The following GALNTL6 variants were observed in gnomAD, a reference collection of about 807,000 sequenced individuals.
GALNTL6 encodes the protein polypeptide N-acetylgalactosaminyltransferase-like 6.
In GALNTL6, 46 loss-of-function variants were observed where a neutral mutation model predicts 73.7. The observed-to-expected ratio is 0.62, with a 90% confidence interval of 0.49 to 0.80. The LOEUF is 0.80. Among genes scored for constraint, GALNTL6 ranks in the 30% least tolerant of loss-of-function variants. The pLI, the probability that GALNTL6 is intolerant of heterozygous loss-of-function variation, is 0.00. For synonymous variants in GALNTL6, 259 were observed against 263.7 expected, an observed-to-expected ratio of 0.98 and a Z score of 0.17; for missense variants, 604 against 755.0, an observed-to-expected ratio of 0.80 and a Z score of 2.34.
chr4:172,560,285 G>T (rs1417160789), intron 5 of GALNTL6, among the ~76,000 whole-genome samples: 3 of 151,604 alleles, frequency 2.0e-5, no homozygotes, highest in Non-Finnish European at 2.9e-5. Flanking sequence ...AACCAGCCTG[G>T]TCACCATAGG....
chr4:172,514,167 C>G (rs1734522576), intron 5 of GALNTL6, among the ~76,000 whole-genome samples: 1 of 152,216 alleles, frequency 6.6e-6, no homozygotes, highest in Admixed American at 6.5e-5. Context: ...ACAGAGCTCC[C>G]AAGAGATTAT....
At chr4:171,815,632 G>T (rs1734506472) in intron 2 of GALNTL6, 1 of 152,174 alleles carries the variant, frequency 6.6e-6, no homozygotes, top group Admixed American at 6.5e-5. Flanking sequence ...TTTTCAGTTA[G>T]TCCTGTGCAT....
intron 2 of GALNTL6, among the ~76,000 whole-genome samples, chr4:172,073,882 T>G (rs1266217171): frequency 2.0e-5 from 3 of 152,192 alleles, no homozygotes; most frequent in African/African-American, 7.2e-5. Flanking sequence ...AGCAATTGAC[T>G]GCAAAATCAA....
intron 2 of GALNTL6, among the ~76,000 whole-genome samples, chr4:172,193,401 A>G (rs1304094020): frequency 6.6e-6 from 1 of 152,158 alleles, no homozygotes; most frequent in Non-Finnish European, 1.5e-5. Context: ...TGGGGTCTGG[A>G]GTGGAACCCC....
intron 2 of GALNTL6, among the ~76,000 whole-genome samples, chr4:172,193,956 A>G (rs1735667256): frequency 6.6e-6 from 1 of 152,212 alleles, no homozygotes; most frequent in African/African-American, 2.4e-5. Context: ...ATACCTGTCC[A>G]CCAAGGGCAC....
intron 2 of GALNTL6, among the ~76,000 whole-genome samples, chr4:171,969,787 T>G (rs924022160): frequency 2.5e-4 from 38 of 149,034 alleles, no homozygotes; most frequent in Middle Eastern, 3.2e-3. Context: ...TTTTTTTCCT[T>G]GAGATGGAGT....
rs562588097 is a variant in GALNTL6 at position 172,458,155 on chromosome 4, G to T, written c.553+109466G>T. 1.3e-4 allele frequency among the ~76,000 whole-genome samples: 19 copies of T among 151,828 alleles called. No individual in the cohort carries two copies. The South Asian group carries it at 3.7e-3, about 30-fold the overall frequency. Reference sequence around the variant, plus strand: ...TAACGAAATTAAGGCAGAAATAAAGGTTTTCTTTGAAACCAATGAGAACAA... The same window carrying T: ...TAACGAAATTAAGGCAGAAATAAAGTTTTTCTTTGAAACCAATGAGAACAA... On this transcript the variant is annotated intron_variant, in intron 5 of 12. Coordinates refer to ENST00000506823, the MANE Select transcript of GALNTL6 (RefSeq NM_001034845.3).
At chr4:172,081,244 A>C (rs547741189) in intron 2 of GALNTL6, among the ~76,000 whole-genome samples, 249 of 152,366 alleles carry the variant, frequency 1.6e-3, no homozygotes, top group African/African-American at 5.8e-3. Context: ...GAAACTGAGA[A>C]ACAGGAAGCT....
intron 2 of GALNTL6, among the ~76,000 whole-genome samples, chr4:171,932,696 A>G (rs1738223896): frequency 6.6e-6 from 1 of 152,226 alleles, no homozygotes; most frequent in African/African-American, 2.4e-5. Flanking sequence ...GACACAAAAT[A>G]AATCAATGGG....
At chr4:172,156,529 CAT>C (rs1316277141) in intron 2 of GALNTL6, among the ~76,000 whole-genome samples, 2 of 71,616 alleles carry the variant, frequency 2.8e-5, no homozygotes, top group South Asian at 4.2e-4. Flanking sequence ...TTTAAATATA[CAT>C]ATATATATAA....
At chr4:172,082,566 C>A (rs1017944288) in intron 2 of GALNTL6, among the ~76,000 whole-genome samples, 1 of 151,958 alleles carries the variant, frequency 6.6e-6, no homozygotes, top group Admixed American at 6.6e-5. Context: ...AGGAGAAAGA[C>A]AATGAACATT....
At chr4:172,766,366 C>T (rs368667100) in intron 5 of GALNTL6, among the ~76,000 whole-genome samples, 36 of 152,168 alleles carry the variant, frequency 2.4e-4, no homozygotes, top group Middle Eastern at 3.4e-3. Context: ...TTATGCATTC[C>T]GAGTCTATGT....
At chr4:171,940,191 GA>G (rs5864098) in intron 2 of GALNTL6, among the ~76,000 whole-genome samples, 68,625 of 151,592 alleles carry the variant, frequency 0.45, 17,273 homozygotes, top group Admixed American at 0.59. Flanking sequence ...TATTAACTGT[GA>G]AAAAAACTGG....
intron 5 of GALNTL6, among the ~76,000 whole-genome samples, chr4:172,523,405 T>C: frequency 6.6e-6 from 1 of 152,066 alleles, no homozygotes. Flanking sequence ...CACTCTGTCA[T>C]CTAGGCTGGA....
intron 2 of GALNTL6, among the ~76,000 whole-genome samples, chr4:171,902,413 A>C (rs947192321): frequency 6.6e-6 from 1 of 152,216 alleles, no homozygotes; most frequent in African/African-American, 2.4e-5. Context: ...GATTCATTTC[A>C]TGAATGAGAC....
At chr4:172,454,393 A>T (rs1561090413) in intron 5 of GALNTL6, among the ~76,000 whole-genome samples, 1 of 152,198 alleles carries the variant, frequency 6.6e-6, no homozygotes, top group East Asian at 1.9e-4. Context: ...AGCTTCTAGG[A>T]CCATTATGTC....
intron 5 of GALNTL6, among the ~76,000 whole-genome samples, chr4:172,519,805 G>A (rs944379849): frequency 4.0e-5 from 6 of 151,464 alleles, no homozygotes; most frequent in African/African-American, 1.2e-4. Context: ...ATATGGTTCA[G>A]TTCTTGATGA....
intron 5 of GALNTL6, chr4:172,666,713 C>T (rs753933240): frequency 2.0e-5 from 3 of 152,180 alleles, no homozygotes; most frequent in Non-Finnish European, 4.4e-5. Flanking sequence ...CACACATATT[C>T]CCATTGCAAT....
intron 10 of GALNTL6, among the ~76,000 whole-genome samples, chr4:172,968,752 GAGAC>G (rs60368905): frequency 0.034 from 5,157 of 152,244 alleles, 179 homozygotes; most frequent in African/African-American, 0.088. Context: ...AGAGCCCTAA[GAGAC>G]AGAGAAGTGC....
Sources: gnomAD v4.1 joint callset for allele counts (sites outside exome capture counted in the v4.1 genomes callset) on GRCh38, gnomAD v4.1.1 for gene constraint, MANE v1.5 for transcripts, NCBI Gene and HGNC (gene_info 2026-07-23, HGNC 2026-07-21) for gene names.